Variants in THSD7B observed in about 807,000 individuals in gnomAD.
THSD7B encodes thrombospondin type-1 domain-containing protein 7B.
A neutral mutation model predicts 213.6 loss-of-function variants in THSD7B; 138 were observed. The ratio of observed to expected loss-of-function variants is 0.65; its 90% CI spans 0.56 to 0.74. The LOEUF (loss-of-function observed/expected upper bound fraction) is 0.74, where lower values mean the gene tolerates loss of function less well. THSD7B is among the 30% of genes least tolerant of loss of function. THSD7B has a pLI of 0.00. For synonymous variants in THSD7B, 742 were observed against 687.0 expected (o/e 1.08, Z -1.25); for missense variants, 1,931 against 1,991.5 (o/e 0.97, Z 0.58).
chr2:137,450,391 C>T (rs1233358280), intron 14 of THSD7B, among the ~76,000 whole-genome samples: 1 of 152,190 alleles, frequency 6.6e-6, no homozygotes, highest in Admixed American at 6.5e-5. Context: ...CACTGTCTGT[C>T]CTCTTCCCAT....
In THSD7B at chr2:137,328,110, G is replaced by A. The variant is rs182706626; in HGVS notation, c.2500+52084G>A. Among the ~76,000 whole-genome samples, 273 of 152,248 alleles carry A rather than the reference G, an allele frequency of 1.8e-3. 2 individuals are homozygous for A. The highest frequency in any genetic ancestry group is 0.013 in the Admixed American group (205 of 15,294). On this transcript the variant is annotated intron_variant, in intron 12 of 27. Coordinates refer to ENST00000409968, the MANE Select transcript of THSD7B (RefSeq NM_001316349.2). ...TCCTTTACAAGGGGGACATAGCTGC[G>A]TGAAATTTGACATCTTATACTTAGA...
At position 137,129,036 on chromosome 2, in the gene THSD7B, A is replaced by G. The variant is rs138009761; in HGVS notation, c.1369+13743A>G. ...GTTTCCTGGTTGGTTCTTACATCTT[A>G]TATAAGCCACGTGGCTTTTTTTCAT... On this transcript the variant is annotated intron_variant, in intron 5 of 27. Transcript: ENST00000409968. 4.6e-5 allele frequency among the ~76,000 whole-genome samples: 7 copies of G among 152,216 alleles called. No homozygotes were observed. In the East Asian group the frequency reaches 1.4e-3, roughly 29 times the overall value.
At chr2:137,389,200 A>ATATATATG (rs1553445644) in intron 12 of THSD7B, among the ~76,000 whole-genome samples, 1 of 144,850 alleles carries the variant, frequency 6.9e-6, no homozygotes. Flanking sequence ...TGTCATATAT[A>ATATATATG]TATATATATA....
chr2:137,503,983 T>G (rs1185529071), intron 15 of THSD7B, among the ~76,000 whole-genome samples: 1 of 145,064 alleles, frequency 6.9e-6, no homozygotes, highest in African/African-American at 2.6e-5. Context: ...GCCAAGATCA[T>G]GCCAGTGCAC....
chr2:137,351,874 G>C (rs578053530), intron 12 of THSD7B, among the ~76,000 whole-genome samples: 1 of 152,030 alleles, frequency 6.6e-6, no homozygotes, highest in South Asian at 2.1e-4. Flanking sequence ...TCAATCCATA[G>C]CTTGGGCCAC....
chr2:137,507,847 C>T (rs1369253504), intron 15 of THSD7B, among the ~76,000 whole-genome samples: 4 of 151,916 alleles, frequency 2.6e-5, no homozygotes, highest in Non-Finnish European at 4.4e-5. Flanking sequence ...TGATTACTTT[C>T]GAAAGATGAT....
At chr2:137,107,790 CTA>C (rs1688282822) in intron 4 of THSD7B, among the ~76,000 whole-genome samples, 3 of 152,152 alleles carry the variant, frequency 2.0e-5, no homozygotes, top group South Asian at 2.1e-4. Context: ...CGATAGAAGT[CTA>C]TTAATAATAC....
intron 2 of THSD7B, among the ~76,000 whole-genome samples, chr2:136,975,490 G>T (rs1392020911): frequency 6.6e-6 from 1 of 152,114 alleles, no homozygotes; most frequent in African/African-American, 2.4e-5. Context: ...AAGATAAGAT[G>T]GTTGTGGATG....
intron 6 of THSD7B, among the ~76,000 whole-genome samples, chr2:137,170,358 G>A (rs186165327): frequency 2.6e-5 from 4 of 152,084 alleles, no homozygotes; most frequent in Non-Finnish European, 4.4e-5. Context: ...CGAATGCAGC[G>A]TAACAAGAAT....
chr2:137,407,335 A>G (rs1686548084), intron 13 of THSD7B, among the ~76,000 whole-genome samples: 1 of 152,128 alleles, frequency 6.6e-6, no homozygotes, highest in African/African-American at 2.4e-5. Flanking sequence ...TCTTTTCTAA[A>G]TTATTAACTG....
At chr2:137,477,283 T>G (rs895443050) in intron 15 of THSD7B, among the ~76,000 whole-genome samples, 1 of 152,190 alleles carries the variant, frequency 6.6e-6, no homozygotes, top group South Asian at 2.1e-4. Context: ...TTCTTCTTAC[T>G]GGTTTTAATT....
At chr2:136,998,240 C>T (rs1453344223) in intron 2 of THSD7B, among the ~76,000 whole-genome samples, 2 of 81,406 alleles carry the variant, frequency 2.5e-5, no homozygotes, top group Non-Finnish European at 4.6e-5. Context: ...TATTCCTATA[C>T]ATGGAAAGAG....
intron 2 of THSD7B, among the ~76,000 whole-genome samples, chr2:136,930,756 A>G (rs574124700): frequency 3.9e-5 from 6 of 152,348 alleles, no homozygotes; most frequent in Admixed American, 1.3e-4. Flanking sequence ...AAAATACCAC[A>G]GATATTTTAA....
chr2:137,313,407 A>C (rs539658355), intron 12 of THSD7B, among the ~76,000 whole-genome samples: 16 of 150,342 alleles, frequency 1.1e-4, no homozygotes, highest in African/African-American at 3.9e-4. Context: ...GTGTTTCTGC[A>C]CATGAGATGG....
intron 12 of THSD7B, among the ~76,000 whole-genome samples, chr2:137,282,443 C>T (rs1683048597): frequency 1.3e-5 from 2 of 152,126 alleles, no homozygotes; most frequent in South Asian, 2.1e-4. Context: ...CTTTTGTTGC[C>T]ATTGCTTTTG....
intron 7 of THSD7B, among the ~76,000 whole-genome samples, chr2:137,195,874 A>T (rs1179691421): frequency 6.6e-6 from 1 of 152,188 alleles, no homozygotes; most frequent in Non-Finnish European, 1.5e-5. Context: ...ATATACCCAC[A>T]AGATATATTT....
At chr2:137,285,515 G>A (rs1683150147) in intron 12 of THSD7B, among the ~76,000 whole-genome samples, 1 of 150,612 alleles carries the variant, frequency 6.6e-6, no homozygotes, top group South Asian at 2.1e-4. Context: ...TTACAATTTG[G>A]CATGTTTTTG....
chr2:137,541,956 T>G (rs1558832739), intron 15 of THSD7B, among the ~76,000 whole-genome samples: 1 of 151,564 alleles, frequency 6.6e-6, no homozygotes, highest in Non-Finnish European at 1.5e-5. Context: ...CTCAGAAATC[T>G]ATGGGACATT....
intron 9 of THSD7B, among the ~76,000 whole-genome samples, chr2:137,238,184 AT>A (rs1462249936): frequency 6.6e-6 from 1 of 152,194 alleles, no homozygotes; most frequent in Admixed American, 6.5e-5. Context: ...TTCCTGAGAT[AT>A]TAGCAACTCT....
Sources: gnomAD v4.1 joint callset for allele counts (sites outside exome capture counted in the v4.1 genomes callset) on GRCh38, gnomAD v4.1.1 for gene constraint, MANE v1.5 for transcripts, NCBI Gene and HGNC (gene_info 2026-07-23, HGNC 2026-07-21) for gene names.